MYB: variants seen among roughly 807,000 people sequenced by gnomAD.
MYB encodes the protein transcriptional activator Myb.
MYB carries 28 observed loss-of-function variants against 92.9 expected under a neutral mutation model. The ratio of observed to expected loss-of-function variants is 0.30; its 90% CI spans 0.22 to 0.41. The LOEUF is 0.41. MYB is among the 10% of genes least tolerant of loss of function. The pLI is 1.00. For missense variants in MYB, 679 were observed against 929.3 expected, an observed-to-expected ratio of 0.73 and a Z score of 3.50; for synonymous variants, 295 against 329.1, an observed-to-expected ratio of 0.90 and a Z score of 1.12.
In MYB at chr6:135,194,336, C is replaced by T; in HGVS notation, c.844-20C>T. Reference sequence around the variant, plus strand: ...TCCAATCAGACCTTTGTCTTTATTTCCCTTACTTTGTAATTTCAGAGACAC... The same window carrying T: ...TCCAATCAGACCTTTGTCTTTATTTTCCTTACTTTGTAATTTCAGAGACAC... On this transcript the variant is annotated intron_variant, in intron 7 of 15. Coordinates refer to ENST00000341911, the MANE Select transcript of MYB (RefSeq NM_001130173.2). 6.4e-7 allele frequency: 1 copy of T among 1,559,408 alleles called. No homozygotes were observed. The highest frequency in any genetic ancestry group is 8.8e-7 in the Non-Finnish European group (1 of 1,133,476).
rs1777419732 is a variant in MYB at position 135,197,052 on chromosome 6, A to T, written c.1295A>T (p.Gln432Leu). The T allele has an allele frequency of 5.0e-6, 8 of 1,614,062 alleles. No individual in the cohort carries two copies. Among genetic ancestry groups the T allele is most frequent in the Non-Finnish European group, 6.8e-6 (8 of 1,179,890 alleles). ...PSQHHTGKAL[Q>L]LQQREGNGTK... is the part of the protein sequence containing the mutation. ...CAACATCACACAGGCAAAGCCCTAC[A>T]GCTTCAGCAAAGAGAGGGCAATGGG... is the stretch of plus-strand genomic sequence containing the variant. Residue 432 changes from glutamine to leucine, a missense_variant, in exon 10 of 16, where the codon CAG (glutamine) becomes CTG (leucine). Transcript: ENST00000341911.
In MYB at chr6:135,185,934, T is replaced by C; in HGVS notation, c.55T>C (p.Phe19Leu). Residue 19 changes from phenylalanine (F) to leucine (L), a missense_variant, in exon 2 of 16, where the codon TTT (phenylalanine) becomes CTT (leucine). Physicochemically the swap from Phe to Leu is conservative, Grantham distance 22 (BLOSUM62 0). This residue lies in a region of MYB where 88 missense variants were observed against 145.6 expected (regional missense o/e 0.60). Coordinates refer to ENST00000341911, the MANE Select transcript of MYB (RefSeq NM_001130173.2). Reference protein sequence around the residue: ...IYSSDEDDEDFEMCDHDYDGL... With the variant: ...IYSSDEDDEDLEMCDHDYDGL... Reference sequence around the variant, plus strand: ...TAGCAGTGACGAGGATGATGAGGACTTTGAGATGTGTGACCATGACTATGA... The same window carrying C: ...TAGCAGTGACGAGGATGATGAGGACCTTGAGATGTGTGACCATGACTATGA... 1 of 1,614,150 alleles carries C rather than the reference T, an allele frequency of 6.2e-7. No homozygotes were observed. The highest frequency in any genetic ancestry group is 8.5e-7 in the Non-Finnish European group (1 of 1,180,012).
chr6:135,198,881 G>C, intron 10 of MYB, 27 bp from the exon 11 acceptor site: 2 of 1,553,762 alleles, frequency 1.3e-6, no homozygotes, highest in Non-Finnish European at 1.8e-6. Context: ...TCTAATCTAA[G>C]TATTTTTTCT....
chr6:135,194,528 C>A, intron 8 of MYB, 68 bp downstream of exon 8: 1 of 1,096,770 alleles, frequency 9.1e-7, no homozygotes, highest in Non-Finnish European at 1.4e-6. Context: ...AAGCGCTCTT[C>A]TCTTCTAAAT....
intron 15 of MYB, among the ~76,000 whole-genome samples, chr6:135,215,700 T>G (rs537670277): frequency 1.3e-5 from 2 of 152,192 alleles, no homozygotes; most frequent in African/African-American, 4.8e-5. Flanking sequence ...AATTGCAGCT[T>G]CCTGCCTCTT....
intron 2 of MYB, 26 bp downstream of exon 2, chr6:135,186,046 A>G (rs764350850): frequency 6.3e-7 from 1 of 1,585,504 alleles, no homozygotes; most frequent in East Asian, 2.2e-5. Flanking sequence ...ATCAAGACGC[A>G]GAAAATAGAT....
At chr6:135,185,828 G>C (rs1263889324) in intron 1 of MYB, 75 bp from the exon 2 acceptor site, 5 of 1,160,994 alleles carry the variant, frequency 4.3e-6, no homozygotes, top group Non-Finnish European at 6.4e-6. Context: ...GAGGAGTTTT[G>C]TGTAAGTTTT....
At chr6:135,198,801 A>G (rs1777677471) in intron 10 of MYB, 107 bp from the exon 11 acceptor site, 1 of 843,746 alleles carries the variant, frequency 1.2e-6, no homozygotes, top group Non-Finnish European at 1.8e-6. Flanking sequence ...ATTATTTAAT[A>G]TAGTGGGTCA....
intron 15 of MYB, among the ~76,000 whole-genome samples, chr6:135,209,459 C>T (rs1031527950): frequency 6.6e-6 from 1 of 152,184 alleles, no homozygotes; most frequent in Non-Finnish European, 1.5e-5. Context: ...GGCTCAAACT[C>T]CCAACCTCAG....
intron 15 of MYB, among the ~76,000 whole-genome samples, chr6:135,217,600 A>G (rs537369558): frequency 6.6e-6 from 1 of 152,288 alleles, no homozygotes; most frequent in Non-Finnish European, 1.5e-5. Flanking sequence ...AAATTGCCTA[A>G]TAGACGGAAG....
At chr6:135,183,917 T>C (rs1040138146) in intron 1 of MYB, among the ~76,000 whole-genome samples, 4 of 152,180 alleles carry the variant, frequency 2.6e-5, no homozygotes, top group Non-Finnish European at 4.4e-5. Context: ...AACTGAAGTC[T>C]TGAGAGAGAG....
chr6:135,210,495 G>T (rs1779560184), intron 15 of MYB, among the ~76,000 whole-genome samples: 1 of 152,186 alleles, frequency 6.6e-6, no homozygotes, highest in Non-Finnish European at 1.5e-5. Flanking sequence ...ACTCCCCTCA[G>T]CTTTCGGTTC....
At chr6:135,214,720 G>A (rs1440855629) in intron 15 of MYB, among the ~76,000 whole-genome samples, 1 of 152,182 alleles carries the variant, frequency 6.6e-6, no homozygotes, top group Non-Finnish European at 1.5e-5. Context: ...TGCAAGCTCA[G>A]TAACTGAAAA....
intron 15 of MYB, among the ~76,000 whole-genome samples, chr6:135,214,822 C>T (rs916714030): frequency 9.2e-5 from 14 of 152,178 alleles, no homozygotes; most frequent in African/African-American, 3.4e-4. Context: ...GAGAGATATG[C>T]GTATTTCACC....
intron 15 of MYB, among the ~76,000 whole-genome samples, chr6:135,213,957 A>G (rs1017569778): frequency 2.6e-5 from 4 of 152,216 alleles, no homozygotes; most frequent in African/African-American, 7.2e-5. Context: ...TTAACATAGC[A>G]TTTAAGATAA....
chr6:135,218,239 G>T lies in MYB; in HGVS notation c.*259G>T. Reference sequence around the variant, plus strand: ...TGTAGCCAGTTGTTAATATCTTAATGCAGATTTTTTTAAAAAAAACATAAA... The same window carrying T: ...TGTAGCCAGTTGTTAATATCTTAATTCAGATTTTTTTAAAAAAAACATAAA... On this transcript the variant is annotated 3_prime_UTR_variant, in exon 16 of 16. Transcript: ENST00000341911. 5.9e-6 allele frequency: 2 copies of T among 336,574 alleles called. No individual in the cohort carries two copies. Among genetic ancestry groups the T allele is most frequent in the South Asian group, 4.0e-5 (1 of 25,262 alleles). The allele number at this position is 336,574 out of a possible 1,614,324, so 20.8% of individuals were successfully genotyped here. A position where few individuals can be genotyped will look rare whatever the true frequency, so the allele number is the denominator to read the frequency against.
intron 13 of MYB, 140 bp downstream of exon 13, chr6:135,200,555 A>G (rs1282400812): frequency 8.0e-7 from 1 of 1,250,306 alleles, no homozygotes; most frequent in Non-Finnish European, 1.1e-6. Flanking sequence ...GTGCAGCGAA[A>G]AGGTACTGCC....
Position 135,195,080 on chromosome 6 carries a change from C to T in MYB, c.948+620C>T. On this transcript the variant is annotated intron_variant, in intron 8 of 15. Transcript: ENST00000341911. ...AAGACAATAAAAGAGAAGTGATGCC[C>T]AGTAGGTATTCCTAGGGGTAAATTT... 2.3e-6 allele frequency: 3 copies of T among 1,294,466 alleles called. No homozygotes were observed. The South Asian group carries it at 3.8e-5, about 16-fold the overall frequency. 80.2% of individuals were successfully genotyped at this position (1,294,466 alleles called of 1,614,324 possible).
chr6:135,208,354 G>C (rs1308875417), intron 15 of MYB, among the ~76,000 whole-genome samples: 4 of 150,338 alleles, frequency 2.7e-5, no homozygotes, highest in Non-Finnish European at 5.9e-5. Flanking sequence ...TGGGATTACA[G>C]ACATGAGCCA....
Sources: allele counts gnomAD v4.1 joint callset (sites outside exome capture counted in the v4.1 genomes callset), GRCh38; gene constraint gnomAD v4.1.1; regional missense constraint gnomAD v4.1.1; transcripts MANE v1.5; gene names NCBI Gene and HGNC (gene_info 2026-07-23, HGNC 2026-07-21).